The following VCL variants were observed in gnomAD, a reference collection of about 807,000 sequenced individuals.
VCL encodes the protein vinculin.
A neutral mutation model predicts 125.7 loss-of-function variants in VCL; 47 were observed. That is an observed-to-expected ratio of 0.37 (90% CI 0.30 to 0.48). The LOEUF is 0.48. Ranked by LOEUF, VCL falls within the 20% of genes least tolerant of loss-of-function variation. The pLI is 0.99. For missense variants in VCL, 1,069 were observed against 1,455.5 expected (o/e 0.73, Z 4.32); for synonymous variants, 458 against 514.6 (o/e 0.89, Z 1.49).
chr10:74,109,101 C>G lies in VCL; in HGVS notation c.2690C>G (p.Pro897Arg). 1 of 1,614,080 alleles carries G rather than the reference C, an allele frequency of 6.2e-7. No homozygotes were observed. The change falls in exon 18 of 22, where the codon CCA becomes CGA. Residue 897 changes from proline to arginine, a missense_variant. This residue lies in a region of VCL where 28 missense variants were observed against 65.1 expected (regional missense o/e 0.43). Transcript: ENST00000211998. ...AAGGCCGGGGAGGTGATTAACCAGC[C>G]AATGATGATGGCTGCCAGACAGCTC... is the stretch of plus-strand genomic sequence containing the variant. ...EQKAGEVINQPMMMAARQLHD... is the reference protein window; with the variant it reads ...EQKAGEVINQRMMMAARQLHD...
intron 6 of VCL, among the ~76,000 whole-genome samples, chr10:74,080,953 G>C (rs1397781753): frequency 6.6e-6 from 1 of 152,176 alleles, no homozygotes; most frequent in Non-Finnish European, 1.5e-5. Context: ...TTTAAGACAT[G>C]ATAGGAGAGA....
chr10:74,051,751 AAAAGAAAC>A (rs1394979322), intron 2 of VCL, among the ~76,000 whole-genome samples: 1 of 152,212 alleles, frequency 6.6e-6, no homozygotes, highest in Non-Finnish European at 1.5e-5. Flanking sequence ...AAAACAAACA[AAAAGAAAC>A]ATTTGGTGAT....
intron 2 of VCL, among the ~76,000 whole-genome samples, chr10:74,052,936 G>GA (rs57330455): frequency 5.3e-4 from 76 of 142,558 alleles, no homozygotes; most frequent in East Asian, 3.0e-3. Context: ...TGGCTGTGAT[G>GA]AAAAAAAAAA....
intron 1 of VCL, among the ~76,000 whole-genome samples, chr10:74,002,437 T>C (rs1264034179): frequency 6.6e-6 from 1 of 151,974 alleles, no homozygotes; most frequent in East Asian, 1.9e-4. Context: ...ATTGGAAATC[T>C]TAAGTGGCAC....
rs138138204 is a variant in VCL, at chr10:74,096,822, G to C, written c.1744-382G>C. Among the ~76,000 whole-genome samples, 333 of 152,346 alleles carry C rather than the reference G, an allele frequency of 2.2e-3. 2 individuals carry two copies. Among genetic ancestry groups the C allele is most frequent in the African/African-American group, 7.6e-3 (315 of 41,572 alleles). ...CCACCAAACAATCCTTACAGTTACTGTGATCGTTATCAGGCCCCGCCAGCA... is the reference window on the plus strand; with the variant it reads ...CCACCAAACAATCCTTACAGTTACTCTGATCGTTATCAGGCCCCGCCAGCA... On this transcript the variant is annotated intron_variant, in intron 12 of 21. Transcript: ENST00000211998.
At chr10:74,032,226 ACT>A (rs936880452) in intron 1 of VCL, among the ~76,000 whole-genome samples, 3 of 141,774 alleles carry the variant, frequency 2.1e-5, no homozygotes, top group South Asian at 2.2e-4. Flanking sequence ...GGCAACAGAG[ACT>A]CTGTTTCAGA....
intron 2 of VCL, among the ~76,000 whole-genome samples, chr10:74,051,385 C>T (rs561022067): frequency 3.6e-4 from 55 of 152,078 alleles, no homozygotes; most frequent in African/African-American, 1.2e-3. Context: ...TACAGGCACG[C>T]ACCACCACGC....
chr10:74,050,932 A>ATT (rs10607921), intron 2 of VCL, among the ~76,000 whole-genome samples: 147 of 77,462 alleles, frequency 1.9e-3, no homozygotes, highest in Non-Finnish European at 2.6e-3. Flanking sequence ...GTACTACTGT[A>ATT]TTTTTTTTTT....
chr10:74,066,150 C>T (rs1234459713), intron 2 of VCL, among the ~76,000 whole-genome samples: 1 of 149,610 alleles, frequency 6.7e-6, no homozygotes, highest in African/African-American at 2.5e-5. Flanking sequence ...ACCTCCGCCT[C>T]CCGGGTTCAA....
At chr10:74,022,410 A>C (rs1173369606) in intron 1 of VCL, among the ~76,000 whole-genome samples, 2 of 151,524 alleles carry the variant, frequency 1.3e-5, no homozygotes, top group African/African-American at 4.8e-5. Context: ...GCCGGGCATG[A>C]TGGCACGCAC....
chr10:74,031,854 CAGG>C (rs2136240705), intron 1 of VCL, among the ~76,000 whole-genome samples: 1 of 152,014 alleles, frequency 6.6e-6, no homozygotes, highest in Admixed American at 6.6e-5. Context: ...CACCTGTGGT[CAGG>C]AGTTCCAGAC....
intron 1 of VCL, 135 bp from the exon 2 acceptor site, chr10:74,042,948 A>G: frequency 1.1e-6 from 1 of 892,066 alleles, no homozygotes; most frequent in African/African-American, 1.7e-5. Context: ...AATTTTTTAA[A>G]TCCAGAAATC....
chr10:74,107,152 A>T, intron 16 of VCL, 78 bp from the exon 17 acceptor site: 1 of 1,611,404 alleles, frequency 6.2e-7, no homozygotes, highest in Non-Finnish European at 8.5e-7. Flanking sequence ...TTGTTCATGG[A>T]ACCAGTTCTG....
rs770246060 is a variant in VCL, at chr10:74,114,438, CGTGT to C, written c.3153+62_3153+65del. On this transcript the variant is annotated intron_variant, in intron 20 of 21. Transcript: ENST00000211998. ...GTGTGTGTGTGTGTGTGTGTGTGTG[CGTGT>C]GTGTGTGTGTTGGAGGGGAGGGTAT... 108 of 1,078,516 alleles carry C rather than the reference CGTGT, an allele frequency of 1.0e-4. No individual in the cohort carries two copies. In the East Asian group the frequency reaches 2.6e-3, roughly 26 times the overall value. 66.8% of individuals were successfully genotyped at this position (1,078,516 alleles called of 1,614,324 possible).
chr10:74,068,055 C>T, intron 2 of VCL, among the ~76,000 whole-genome samples: 1 of 152,244 alleles, frequency 6.6e-6, no homozygotes, highest in East Asian at 1.9e-4. Context: ...TGGTGAAGAT[C>T]CAAAATTTGA....
intron 2 of VCL, among the ~76,000 whole-genome samples, chr10:74,060,935 A>G (rs1281429129): frequency 6.6e-6 from 1 of 152,134 alleles, no homozygotes; most frequent in Non-Finnish European, 1.5e-5. Context: ...GAGATCCCAT[A>G]AGGCTGTCAT....
At chr10:74,002,418 C>A (rs1397855316) in intron 1 of VCL, among the ~76,000 whole-genome samples, 3 of 151,998 alleles carry the variant, frequency 2.0e-5, no homozygotes, top group Non-Finnish European at 4.4e-5. Flanking sequence ...AGCCACCACG[C>A]CCGGCTGAAT....
Position 74,100,952 on chromosome 10 carries a change from T to C in VCL, c.1877T>C (p.Phe626Ser). ...PPDAPNREEV[F>S]DERAANFENH... ...AATATCTGTTTTTTCCTCAAGGTAT[T>C]TGATGAGAGGGCAGCTAACTTTGAA... The change falls in exon 14 of 22, where the codon TTT becomes TCT. Residue 626 changes from phenylalanine (F) to serine (S), a missense_variant. Transcript: ENST00000211998. The C allele has an allele frequency of 3.1e-6, 5 of 1,614,028 alleles. No homozygotes were observed. Among genetic ancestry groups the C allele is most frequent in the Non-Finnish European group, 3.4e-6 (4 of 1,179,982 alleles).
intron 1 of VCL, among the ~76,000 whole-genome samples, chr10:74,003,352 T>G (rs771662624): frequency 6.6e-6 from 1 of 152,196 alleles, no homozygotes; most frequent in Non-Finnish European, 1.5e-5. Flanking sequence ...CAAGAAATTC[T>G]AAGAAGGCTT....
Sources: allele counts gnomAD v4.1 joint callset (sites outside exome capture counted in the v4.1 genomes callset), GRCh38; gene constraint gnomAD v4.1.1; regional missense constraint gnomAD v4.1.1; transcripts MANE v1.5; gene names NCBI Gene and HGNC (gene_info 2026-07-23, HGNC 2026-07-21).